The following SLC16A3 variants were observed in gnomAD, a reference collection of about 807,000 sequenced individuals.
The protein encoded by SLC16A3 is solute carrier family 16 member 3, also known as monocarboxylate transporter 4.
Under a neutral mutation model 25.0 loss-of-function variants are expected in SLC16A3, and 22 were observed. The ratio of observed to expected loss-of-function variants is 0.88; its 90% CI spans 0.63 to 1.26. SLC16A3 has a LOEUF of 1.26. SLC16A3 is among the 50% of genes most tolerant of loss of function. The pLI, the probability that SLC16A3 is intolerant of heterozygous loss-of-function variation, is 0.00. For missense variants in SLC16A3, 731 were observed against 666.6 expected, an observed-to-expected ratio of 1.10 and a Z score of -1.06; for synonymous variants, 390 against 309.2, an observed-to-expected ratio of 1.26 and a Z score of -2.74.
chr17:82,224,351 CAG>C (rs2050408399), upstream of SLC16A3, among the ~76,000 whole-genome samples: 2 of 117,882 alleles, frequency 1.7e-5, no homozygotes, highest in African/African-American at 7.1e-5. Context: ...GTCACCTGTG[CAG>C]ACACACCCCT....
rs534309348 is a variant in SLC16A3, at chr17:82,237,477, C to G, written c.707C>G (p.Ser236Trp). ...RGFVLYAVAASVMVLGLFVPP... is the reference protein window; with the variant it reads ...RGFVLYAVAAWVMVLGLFVPP... ...TTTGTGCTTTACGCCGTGGCCGCCT[C>G]GGTCATGGTGCTGGGGCTCTTCGTC... The change falls in exon 4 of 5, where the codon TCG (serine) becomes TGG (tryptophan). Residue 236 changes from serine (S) to tryptophan (W), a missense_variant. Ser to Trp is a radical substitution (Grantham distance 177, BLOSUM62 -3). Coordinates refer to ENST00000582743, the MANE Select transcript of SLC16A3 (RefSeq NM_004207.4). 5 of 1,609,626 alleles carry G rather than the reference C, an allele frequency of 3.1e-6. No homozygotes were observed. The highest frequency in any genetic ancestry group is 4.2e-6 in the Non-Finnish European group (5 of 1,179,402).
intron 1 of SLC16A3, chr17:82,229,413 TGCGCCG>T (rs2050458566): frequency 6.6e-6 from 1 of 152,130 alleles, no homozygotes; most frequent in Admixed American, 6.5e-5. Context: ...AGGAGATGGC[TGCGCCG>T]GCGGCCAAGC....
chr17:82,237,067 G>C, intron 3 of SLC16A3, 71 bp from the exon 4 acceptor site: 1 of 1,461,330 alleles, frequency 6.8e-7, no homozygotes, highest in Non-Finnish European at 9.1e-7. Context: ...GTGGGAACCT[G>C]GGGGCAGAGA....
rs1388222226 is a variant in SLC16A3, at chr17:82,237,793, G to C, written c.1023G>C (p.Glu341Asp). 1 of 1,611,166 alleles carries C rather than the reference G, an allele frequency of 6.2e-7. No homozygotes were observed. Among genetic ancestry groups the C allele is most frequent in the East Asian group, 2.2e-5 (1 of 44,888 alleles). The change falls in exon 4 of 5, where the codon GAG becomes GAC. Residue 341 changes from glutamate to aspartate, a missense_variant. Coordinates refer to ENST00000582743, the MANE Select transcript of SLC16A3 (RefSeq NM_004207.4). ...SYGMVGALQF[E>D]VLMAIVGTHK... ...GCATGGTGGGGGCCCTGCAGTTCGA[G>C]GTGCTCATGGCCATCGTGGGCACCC... is the stretch of plus-strand genomic sequence containing the variant.
chr17:82,230,128 G>A (rs1568533181), intron 1 of SLC16A3: 1 of 152,702 alleles, frequency 6.5e-6, no homozygotes, highest in Non-Finnish European at 1.5e-5. Context: ...CACTGCACAG[G>A]CCTGGAAGTC....
chr17:82,237,967 C>T (rs1034780697), intron 4 of SLC16A3, 74 bp downstream of exon 4: 33 of 1,502,830 alleles, frequency 2.2e-5, no homozygotes, highest in African/African-American at 2.1e-4. Context: ...AGGGGGGGGA[C>T]GCGCACCCCT....
upstream of SLC16A3, among the ~76,000 whole-genome samples, chr17:82,226,971 CCAGT>C (rs998472150): frequency 2.0e-5 from 3 of 151,902 alleles, no homozygotes; most frequent in East Asian, 3.9e-4. Flanking sequence ...TCCAGTCCCC[CCAGT>C]CAAAGCCCAC....
chr17:82,220,031 G>A (rs1463447246), intron 1 of SLC16A3, among the ~76,000 whole-genome samples: 1 of 151,052 alleles, frequency 6.6e-6, no homozygotes, highest in Non-Finnish European at 1.5e-5. Context: ...ACAGCAGGTT[G>A]GGGGGGCTCT....
chr17:82,221,936 C>G (rs1210249404), intron 1 of SLC16A3, among the ~76,000 whole-genome samples: 1 of 152,230 alleles, frequency 6.6e-6, no homozygotes, highest in Non-Finnish European at 1.5e-5. Flanking sequence ...TGTGGAGAAA[C>G]TGGAACCCTT....
chr17:82,222,309 C>G (rs8071677), intron 1 of SLC16A3, among the ~76,000 whole-genome samples: 27,083 of 148,630 alleles, frequency 0.18, 2,973 homozygotes, highest in Non-Finnish European at 0.23. Flanking sequence ...GAGTGTCGCC[C>G]TGGGACCCAG....
Position 82,239,152 on chromosome 17 carries a change from G to T in SLC16A3, c.*176G>T. On this transcript the variant is annotated 3_prime_UTR_variant, in exon 5 of 5. Transcript: ENST00000582743. ...GGGAAGGTGGCGGGGTGGGAACCGT[G>T]TCATTCCAGAGTGGATCTGCGGTGA... 3.2e-6 allele frequency: 2 copies of T among 620,260 alleles called. No individual in the cohort carries two copies. Among genetic ancestry groups the T allele is most frequent in the Non-Finnish European group, 2.6e-6 (1 of 381,378 alleles). 38.4% of individuals were successfully genotyped at this position (620,260 alleles called of 1,614,324 possible).
upstream of SLC16A3, among the ~76,000 whole-genome samples, chr17:82,227,600 C>A (rs568697089): frequency 7.0e-6 from 1 of 143,732 alleles, no homozygotes; most frequent in Non-Finnish European, 1.5e-5. Context: ...GCGGGAGCAC[C>A]ACCTGCCCTG....
At chr17:82,238,582 G>A in intron 4 of SLC16A3, 120 bp from the exon 5 acceptor site, 2 of 1,026,768 alleles carry the variant, frequency 1.9e-6, no homozygotes, top group Non-Finnish European at 2.7e-6. Flanking sequence ...AGCCCCACAA[G>A]CTCAGAGGCA....
In SLC16A3 at chr17:82,236,756, G is replaced by A. The variant is rs749904590; in HGVS notation, c.251G>A (p.Arg84His). Reference protein sequence around the residue: ...TGPLCSVCVNRFGCRPVMLVG... With the variant: ...TGPLCSVCVNHFGCRPVMLVG... ...CCGCTCTGCAGTGTGTGCGTGAACC[G>A]CTTTGGCTGCCGGCCCGTCATGCTT... The change falls in exon 3 of 5, where the codon CGC (arginine) becomes CAC (histidine). Residue 84 changes from arginine to histidine, a missense_variant. Transcript: ENST00000582743. 20 of 1,607,984 alleles carry A rather than the reference G, an allele frequency of 1.2e-5. No individual in the cohort carries two copies. Among genetic ancestry groups the A allele is most frequent in the East Asian group, 4.5e-5 (2 of 44,882 alleles).
intron 1 of SLC16A3, among the ~76,000 whole-genome samples, chr17:82,223,216 T>C (rs2050400135): frequency 8.1e-6 from 1 of 123,252 alleles, no homozygotes; most frequent in Non-Finnish European, 1.6e-5. Context: ...AGTTTCGCTC[T>C]TTGTTACCCA....
intron 4 of SLC16A3, among the ~76,000 whole-genome samples, chr17:82,238,326 G>A (rs984102397): frequency 2.6e-5 from 4 of 152,196 alleles, no homozygotes; most frequent in Admixed American, 6.5e-5. Context: ...TGGGCTTGGG[G>A]AGGGCTCATG....
chr17:82,236,256 C>T, intron 2 of SLC16A3, 25 bp downstream of exon 2: 1 of 1,601,318 alleles, frequency 6.2e-7, no homozygotes, highest in Non-Finnish European at 8.5e-7. Flanking sequence ...ACACCGGGCC[C>T]CCTGTCCGGG....
intron 1 of SLC16A3, among the ~76,000 whole-genome samples, chr17:82,218,582 G>A (rs1028310879): frequency 6.6e-6 from 1 of 152,202 alleles, no homozygotes; most frequent in Non-Finnish European, 1.5e-5. Context: ...AAGGTGCCGA[G>A]GGTGTGTGCA....
intron 1 of SLC16A3, among the ~76,000 whole-genome samples, chr17:82,222,302 TGTCGCCCTGGGACCCAGC>T (rs2050394238): frequency 7.9e-6 from 1 of 126,100 alleles, no homozygotes; most frequent in Admixed American, 7.9e-5. Context: ...TGGAGACGAG[TGTCGCCCTGGGACCCAGC>T]AACTCCGCTC....
Sources: gnomAD v4.1 joint callset for allele counts (sites outside exome capture counted in the v4.1 genomes callset) on GRCh38, gnomAD v4.1.1 for gene constraint, MANE v1.5 for transcripts, NCBI Gene and HGNC (gene_info 2026-07-23, HGNC 2026-07-21) for gene names.